The following RASEF variants were observed in gnomAD, a reference collection of about 807,000 sequenced individuals.
RASEF encodes RAS and EF-hand domain containing.
RASEF carries 68 observed loss-of-function variants against 90.1 expected under a neutral mutation model. The observed-to-expected ratio is 0.75, with a 90% CI of 0.62 to 0.92. RASEF has a LOEUF of 0.92. RASEF is among the 40% of genes least tolerant of loss of function. The pLI is 0.00. For synonymous variants in RASEF, 331 were observed against 345.2 expected (o/e 0.96, Z 0.46); for missense variants, 949 against 937.2 (o/e 1.01, Z -0.16).
At chr9:83,159,819 G>T in the RASEF span, among the ~76,000 whole-genome samples, 1 of 152,188 alleles carries the variant, frequency 6.6e-6, no homozygotes, top group African/African-American at 2.4e-5. Flanking sequence ...TAACTCCCTC[G>T]TTCCCATGTA....
At chr9:83,064,756 C>T (rs953827822), upstream of RASEF, among the ~76,000 whole-genome samples, 4 of 152,148 alleles carry the variant, frequency 2.6e-5, no homozygotes, top group Non-Finnish European at 5.9e-5. Context: ...TAAGCCCCTT[C>T]ATTGAAGAGT....
At chr9:83,185,754 C>G in the RASEF span, among the ~76,000 whole-genome samples, 2,248 of 152,244 alleles carry the variant, frequency 0.015, 43 homozygotes, top group African/African-American at 0.051. Flanking sequence ...TCCTGAAGAT[C>G]TGAACTCAAT....
At chr9:83,197,032 C>G in the RASEF span, among the ~76,000 whole-genome samples, 2 of 152,238 alleles carry the variant, frequency 1.3e-5, no homozygotes, top group African/African-American at 2.4e-5. Flanking sequence ...CAAAACAGCC[C>G]ATGGCAAAGG....
the RASEF span, among the ~76,000 whole-genome samples, chr9:83,174,457 T>A: frequency 9.5e-3 from 1,442 of 152,298 alleles, 26 homozygotes; most frequent in African/African-American, 0.033. Context: ...CTAATATAAA[T>A]ATAATGGCTT....
intron 2 of RASEF, among the ~76,000 whole-genome samples, chr9:83,023,605 T>C (rs955792958): frequency 3.3e-5 from 5 of 152,218 alleles, no homozygotes; most frequent in South Asian, 2.1e-4. Context: ...TCTGTTCCTA[T>C]TTACTTCTTC....
upstream of RASEF, among the ~76,000 whole-genome samples, chr9:83,063,837 A>C (rs1830258070): frequency 6.6e-6 from 1 of 152,140 alleles, no homozygotes; most frequent in Non-Finnish European, 1.5e-5. Flanking sequence ...TTGTTTCTTT[A>C]ACACTGCTTA....
the RASEF span, among the ~76,000 whole-genome samples, chr9:83,069,538 C>T: frequency 6.6e-6 from 1 of 152,168 alleles, no homozygotes; most frequent in Non-Finnish European, 1.5e-5. Context: ...ATACATTATA[C>T]CACAGAGTGT....
the RASEF span, among the ~76,000 whole-genome samples, chr9:83,077,985 A>G: frequency 5.9e-5 from 9 of 152,204 alleles, no homozygotes; most frequent in Non-Finnish European, 1.3e-4. Flanking sequence ...CTCAGAGTCA[A>G]AAAGGCTTCT....
intron 1 of RASEF, among the ~76,000 whole-genome samples, chr9:83,049,811 GAT>G (rs1830009559): frequency 1.1e-5 from 1 of 88,130 alleles, no homozygotes; most frequent in African/African-American, 5.4e-5. Flanking sequence ...TTGTTCTTGC[GAT>G]AGTTTACTGA....
At chr9:83,087,405 T>TTCTCTCTCTC in the RASEF span, among the ~76,000 whole-genome samples, 6,564 of 115,440 alleles carry the variant, frequency 0.057, 460 homozygotes, top group African/African-American at 0.093. Context: ...TTCTCATTCA[T>TTCTCTCTCTC]TCTCTCTCTC....
chr9:83,076,902 C>A, the RASEF span, among the ~76,000 whole-genome samples: 1 of 152,082 alleles, frequency 6.6e-6, no homozygotes, highest in Non-Finnish European at 1.5e-5. Flanking sequence ...TTCTGATAAA[C>A]AGTATTCCAA....
chr9:83,127,480 A>AG, the RASEF span, among the ~76,000 whole-genome samples: 1 of 152,138 alleles, frequency 6.6e-6, no homozygotes, highest in Admixed American at 6.5e-5. Context: ...GAAGAGAGAG[A>AG]AAAAAAGAAA....
chr9:83,049,645 G>A (rs914426751), intron 1 of RASEF, among the ~76,000 whole-genome samples: 6 of 146,202 alleles, frequency 4.1e-5, no homozygotes, highest in African/African-American at 1.3e-4. Flanking sequence ...ACGCACTAAC[G>A]TGTCATCTAC....
At chr9:83,177,857 T>C in the RASEF span, among the ~76,000 whole-genome samples, 1 of 152,074 alleles carries the variant, frequency 6.6e-6, no homozygotes, top group Admixed American at 6.6e-5. Flanking sequence ...TAGTCTTTTT[T>C]CTAGTTCTTT....
chr9:83,207,005 T>G, the RASEF span, among the ~76,000 whole-genome samples: 1 of 152,184 alleles, frequency 6.6e-6, no homozygotes, highest in Admixed American at 6.5e-5. Context: ...CACCTGACTC[T>G]GATTCAGATA....
intron 1 of RASEF, among the ~76,000 whole-genome samples, chr9:83,049,703 C>T (rs1830006973): frequency 1.5e-5 from 2 of 134,258 alleles, no homozygotes; most frequent in South Asian, 5.1e-4. Context: ...CCCCCGACCC[C>T]ACCACAGTCC....
chr9:83,111,433 G>A, the RASEF span, among the ~76,000 whole-genome samples: 1 of 151,898 alleles, frequency 6.6e-6, no homozygotes, highest in African/African-American at 2.4e-5. Flanking sequence ...AATATAGCAT[G>A]GTACTATAGT....
chr9:83,208,933 C>T, the RASEF span, among the ~76,000 whole-genome samples: 3 of 152,188 alleles, frequency 2.0e-5, no homozygotes, highest in African/African-American at 7.2e-5. Context: ...GGGGACTTTT[C>T]AACTTGTGCT....
At chr9:83,189,438 C>A in the RASEF span, among the ~76,000 whole-genome samples, 1 of 152,158 alleles carries the variant, frequency 6.6e-6, no homozygotes, top group East Asian at 1.9e-4. Context: ...AATACACCAG[C>A]TTTCTTGCCC....
Sources: allele counts gnomAD v4.1 joint callset (sites outside exome capture counted in the v4.1 genomes callset), GRCh38; gene constraint gnomAD v4.1.1; transcripts MANE v1.5; gene names NCBI Gene and HGNC (gene_info 2026-07-23, HGNC 2026-07-21).